Variants in LRRC34 observed in about 807,000 individuals in gnomAD.
The protein encoded by LRRC34 is leucine rich repeat containing 34, also known as leucine-rich repeat-containing protein 34.
A neutral mutation model predicts 48.5 loss-of-function variants in LRRC34; 44 were observed. That is an observed-to-expected ratio of 0.91 (90% confidence interval 0.71 to 1.17). LRRC34 has a LOEUF of 1.17. Among genes scored for constraint, LRRC34 ranks in the 50% most tolerant of loss-of-function variants. LRRC34 has a pLI of 0.00. For missense variants in LRRC34, 502 were observed against 563.0 expected (o/e 0.89, Z 1.10); for synonymous variants, 192 against 197.6 (o/e 0.97, Z 0.24).
rs566509755 is a variant in LRRC34 at position 169,800,710 on chromosome 3, G to T, written c.702C>A (p.Asn234Lys). ...TTAGGTTTATTGCCTTAATTGCTTG[G>T]TTTTGAGTTAGTACTGTAGCAAATG... ...VIAFATVLTQNQAIKAINLNR... is the reference protein window; with the variant it reads ...VIAFATVLTQKQAIKAINLNR... The change falls in exon 7 of 11, where the codon AAC (asparagine) becomes AAA (lysine). Residue 234 changes from asparagine (N) to lysine (K), a missense_variant. Asn to Lys is a moderately conservative substitution (Grantham distance 94, BLOSUM62 0). Transcript: ENST00000446859. 5.1e-5 allele frequency: 78 copies of T among 1,535,096 alleles called. No individual in the cohort carries two copies. The highest frequency in any genetic ancestry group is 6.5e-5 in the Non-Finnish European group (74 of 1,146,694).
At position 169,796,805 on chromosome 3, in the gene LRRC34, A is replaced by T; in HGVS notation, c.848T>A (p.Ile283Lys). The T allele has an allele frequency of 6.2e-7, 1 of 1,611,856 alleles. No homozygotes were observed. The highest frequency in any genetic ancestry group is 1.1e-5 in the South Asian group (1 of 90,620). ...MCKHDIKNSG[I>K]QQLCDALYLN... is the part of the protein sequence containing the mutation. Reference sequence around the variant, plus strand: ...ATACAGTGCATCACATAACTGTTGTATACCACTGTTTTTTATATCATGCTT... The same window carrying T: ...ATACAGTGCATCACATAACTGTTGTTTACCACTGTTTTTTATATCATGCTT... Residue 283 changes from isoleucine (I) to lysine (K), a missense_variant, in exon 8 of 11, where the codon ATA (isoleucine) becomes AAA (lysine). Ile to Lys is a moderately radical substitution (Grantham distance 102). Coordinates refer to ENST00000446859, the MANE Select transcript of LRRC34 (RefSeq NM_001172779.2).
rs1269644958 is a variant in LRRC34 at position 169,793,156 on chromosome 3, T to C, written c.*479A>G. Among the ~76,000 whole-genome samples, 1 of 152,150 alleles carries C rather than the reference T, an allele frequency of 6.6e-6. No homozygotes were observed. The highest frequency in any genetic ancestry group is 2.4e-5 in the African/African-American group (1 of 41,432). On this transcript the variant is annotated 3_prime_UTR_variant, in exon 11 of 11. Transcript: ENST00000446859. ...AGGGGTATGTATATGTTTATATATA[T>C]TTGCCTGTATTTATGAAATTGTTAG... is the stretch of plus-strand genomic sequence containing the variant.
chr3:169,806,430 G>A (rs1176914985), intron 5 of LRRC34, among the ~76,000 whole-genome samples: 1 of 152,132 alleles, frequency 6.6e-6, no homozygotes, highest in Non-Finnish European at 1.5e-5. Flanking sequence ...TCCACAATAG[G>A]CAAATACATA....
intron 2 of LRRC34, among the ~76,000 whole-genome samples, chr3:169,808,385 A>G (rs1349484122): frequency 6.6e-6 from 1 of 151,664 alleles, no homozygotes; most frequent in Admixed American, 6.6e-5. Context: ...CACCCACAGA[A>G]GTTAAAGATC....
intron 5 of LRRC34, among the ~76,000 whole-genome samples, chr3:169,806,325 A>G (rs1179516453): frequency 6.6e-6 from 1 of 152,210 alleles, no homozygotes; most frequent in Non-Finnish European, 1.5e-5. Flanking sequence ...TTAAAAAAAC[A>G]TAAATCTTTG....
intron 10 of LRRC34, 178 bp downstream of exon 10, chr3:169,795,307 T>C (rs1473911367): frequency 4.2e-6 from 2 of 474,728 alleles, no homozygotes; most frequent in Non-Finnish European, 7.1e-6. Flanking sequence ...ATAGTTTTAA[T>C]ATCTTTGGTT....
intron 5 of LRRC34, 24 bp from the exon 6 acceptor site, chr3:169,804,205 T>A (rs778241298): frequency 1.3e-6 from 2 of 1,532,042 alleles, no homozygotes; most frequent in South Asian, 2.5e-5. Flanking sequence ...AAAACTTATT[T>A]AATAATTGTT....
At chr3:169,803,071 A>G (rs565449223) in intron 6 of LRRC34, among the ~76,000 whole-genome samples, 7 of 152,310 alleles carry the variant, frequency 4.6e-5, no homozygotes, top group African/African-American at 1.7e-4. Context: ...ACCTGAGGCT[A>G]TACAACAGGT....
chr3:169,794,839 A>G (rs1778933907), intron 10 of LRRC34: 1 of 152,234 alleles, frequency 6.6e-6, no homozygotes, highest in African/African-American at 2.4e-5. Context: ...TTAGCTTGTC[A>G]TTCATCATTA....
At chr3:169,794,026 AGAAT>A (rs1383535423) in intron 10 of LRRC34, 188 bp from the exon 11 acceptor site, 2 of 487,360 alleles carry the variant, frequency 4.1e-6, no homozygotes, top group East Asian at 6.6e-5. Flanking sequence ...TTAATTACAC[AGAAT>A]GAAATTATAA....
At chr3:169,806,280 A>C (rs1202769447) in intron 5 of LRRC34, among the ~76,000 whole-genome samples, 1 of 152,212 alleles carries the variant, frequency 6.6e-6, no homozygotes, top group Non-Finnish European at 1.5e-5. Context: ...CAAAAATTAA[A>C]ATGGATCAAA....
At position 169,812,417 on chromosome 3, in the gene LRRC34, G is replaced by A. The variant is rs1248421880; in HGVS notation, c.132C>T (p.Val44=). 1.3e-6 allele frequency: 2 copies of A among 1,528,134 alleles called. No homozygotes were observed. Among genetic ancestry groups the A allele is most frequent in the Non-Finnish European group, 1.7e-6 (2 of 1,144,384 alleles). 94.7% of individuals were successfully genotyped at this position (1,528,134 alleles called of 1,614,324 possible). A position where few individuals can be genotyped will look rare whatever the true frequency, so the allele number is the denominator to read the frequency against. Residue 44 remains valine (V), a synonymous_variant, in exon 1 of 11, where the codon GTC becomes GTT. Coordinates refer to ENST00000446859, the MANE Select transcript of LRRC34 (RefSeq NM_001172779.2). This position sits in a 1 kb window ranked among gnomAD's most constrained non-coding sequence, Gnocchi z 4.3. ...GTGCTCCCTACTTCTTACCGCGCTG[G>A]ACCGCCAGGGCCGCGCCCGGAGTAC... ...QASTPGAALA[V]QRESPESGLQ... is the part of the protein sequence containing the mutation.
At chr3:169,811,441 T>G (rs116026521) in intron 1 of LRRC34, among the ~76,000 whole-genome samples, 2,054 of 152,380 alleles carry the variant, frequency 0.013, 51 homozygotes, top group African/African-American at 0.047. Flanking sequence ...GTATTTTGTA[T>G]GCCAGGATTT....
chr3:169,795,472 A>C lies in LRRC34; in HGVS notation c.1191+13T>G, dbSNP rs77553236. On this transcript the variant is annotated intron_variant, in intron 10 of 10. Coordinates refer to ENST00000446859, the MANE Select transcript of LRRC34 (RefSeq NM_001172779.2). ...GAAAAAGCCTTCAGTGAAGGAAAAA[A>C]CTTAAAACTTACTATACACGTAGCC... 3,492 of 1,591,442 alleles carry C rather than the reference A, an allele frequency of 2.2e-3. 70 individuals are homozygous for C. The African/African-American group carries it at 0.042, about 19-fold the overall frequency.
intron 10 of LRRC34, 152 bp downstream of exon 10, chr3:169,795,333 C>T: frequency 1.5e-6 from 1 of 673,838 alleles, no homozygotes; most frequent in African/African-American, 1.8e-5. Context: ...AACCACCAAA[C>T]TCTCTAGTAG....
chr3:169,808,077 C>A (rs1268312732), intron 2 of LRRC34: 1 of 169,932 alleles, frequency 5.9e-6, no homozygotes, highest in Non-Finnish European at 1.2e-5. Flanking sequence ...CTTTGGGAGG[C>A]CAAGGCGGGC....
At chr3:169,794,238 C>T (rs1778903808) in intron 10 of LRRC34, 2 of 160,466 alleles carry the variant, frequency 1.2e-5, no homozygotes, top group Non-Finnish European at 2.7e-5. Flanking sequence ...TCTCAAAAAT[C>T]TGCTGATAGC....
Position 169,793,699 on chromosome 3 carries a change from C to G in LRRC34, c.1331G>C (p.Gly444Ala). 1 of 1,613,806 alleles carries G rather than the reference C, an allele frequency of 6.2e-7. No homozygotes were observed. Among genetic ancestry groups the G allele is most frequent in the Non-Finnish European group, 8.5e-7 (1 of 1,179,856 alleles). The part of the protein sequence containing the change: ...KKHYYWTSTY[G>A]ESYDHSSNAG... ...ATTAGATGAGTGGTCATAAGATTCT[C>G]CATAAGTTGATGTCCAATAATAATG... Residue 444 changes from glycine (G) to alanine (A), a missense_variant, in exon 11 of 11, where the codon GGA becomes GCA. Gly to Ala is a moderately conservative substitution (Grantham distance 60, BLOSUM62 0). Transcript: ENST00000446859.
chr3:169,796,478 T>C, intron 8 of LRRC34, 109 bp from the exon 9 acceptor site: 2 of 1,235,388 alleles, frequency 1.6e-6, no homozygotes, highest in Non-Finnish European at 2.2e-6. Flanking sequence ...TAAAGGTTTA[T>C]TTTAACCACT....
Sources: gnomAD v4.1 joint callset for allele counts (sites outside exome capture counted in the v4.1 genomes callset) on GRCh38, gnomAD v4.1.1 for gene constraint, Gnocchi (gnomAD v3.1) non-coding constraint, MANE v1.5 for transcripts, NCBI Gene and HGNC (gene_info 2026-07-23, HGNC 2026-07-21) for gene names.